The following BBOF1 variants were observed in gnomAD, a reference collection of about 807,000 sequenced individuals.
The protein encoded by BBOF1 is basal body-orientation factor 1.
BBOF1 carries 62 observed loss-of-function variants against 68.0 expected under a neutral mutation model. The ratio of observed to expected loss-of-function variants is 0.91; its 90% CI spans 0.74 to 1.13. The LOEUF (loss-of-function observed/expected upper bound fraction) is 1.13. Ranked by LOEUF, BBOF1 falls within the 50% of genes most tolerant of loss-of-function variation. The pLI is 0.00. For synonymous variants in BBOF1, 208 were observed against 198.8 expected, an observed-to-expected ratio of 1.05 and a Z score of -0.39; for missense variants, 534 against 600.1, an observed-to-expected ratio of 0.89 and a Z score of 1.15.
intron 9 of BBOF1, among the ~76,000 whole-genome samples, chr14:74,074,701 T>G (rs2060593349): frequency 6.6e-6 from 1 of 152,142 alleles, no homozygotes; most frequent in Admixed American, 6.6e-5. Flanking sequence ...AGACAGATGA[T>G]CTGTAAAAAC....
downstream of BBOF1, among the ~76,000 whole-genome samples, chr14:74,069,521 C>G (rs571618409): frequency 5.3e-5 from 8 of 152,008 alleles, no homozygotes; most frequent in South Asian, 1.7e-3. Context: ...GAGGCCGAGG[C>G]AGGTGGATCA....
At chr14:74,076,590 A>G (rs1349523913) in intron 9 of BBOF1, among the ~76,000 whole-genome samples, 5 of 151,722 alleles carry the variant, frequency 3.3e-5, no homozygotes, top group Admixed American at 1.3e-4. Flanking sequence ...AGGCTGGAGT[A>G]CAGTGGCATG....
Position 74,021,554 on chromosome 14 carries a change from A to C in BBOF1, c.57-1362A>C, listed in dbSNP as rs1594996704. ...CAGTGAGCTGTGATGGTGCTACTGC[A>C]CTACAGCCTGGATGACAGAGCAAGA... On this transcript the variant is annotated intron_variant, in intron 1 of 11. Coordinates refer to ENST00000394009, the MANE Select transcript of BBOF1 (RefSeq NM_025057.3). Among the ~76,000 whole-genome samples the C allele has an allele frequency of 2.6e-5, 4 of 151,876 alleles. No individual in the cohort carries two copies. In the South Asian group the frequency reaches 8.3e-4, roughly 32 times the overall value.
intron 8 of BBOF1, among the ~76,000 whole-genome samples, chr14:74,053,273 C>T (rs77168715): frequency 0.11 from 16,889 of 148,878 alleles, 1,232 homozygotes; most frequent in Admixed American, 0.19. Flanking sequence ...CCACCATGCC[C>T]GGCTAATTTT....
intron 9 of BBOF1, among the ~76,000 whole-genome samples, chr14:74,073,382 G>A (rs1386286820): frequency 6.6e-6 from 1 of 152,072 alleles, no homozygotes; most frequent in Admixed American, 6.6e-5. Flanking sequence ...TGGGATTACA[G>A]GCGTGAGTCA....
At chr14:74,030,718 C>CG (rs762326438) in intron 3 of BBOF1, among the ~76,000 whole-genome samples, 28 of 152,016 alleles carry the variant, frequency 1.8e-4, no homozygotes, top group South Asian at 1.2e-3. Context: ...GATGGTCTCT[C>CG]GATCTCCTGA....
intron 1 of BBOF1, among the ~76,000 whole-genome samples, chr14:74,019,861 A>G (rs568107210): frequency 4.6e-5 from 7 of 152,230 alleles, no homozygotes; most frequent in Non-Finnish European, 8.8e-5. Context: ...TGAGGTGGGT[A>G]ATGTTCTAGC....
chr14:74,047,469 C>T (rs1042012761), intron 6 of BBOF1, among the ~76,000 whole-genome samples: 8 of 151,586 alleles, frequency 5.3e-5, no homozygotes, highest in Non-Finnish European at 1.2e-4. Flanking sequence ...CTCGCTCTGT[C>T]ACCCAGGCTG....
At chr14:74,071,407 C>T (rs374613552) in intron 9 of BBOF1, 10 of 1,613,978 alleles carry the variant, frequency 6.2e-6, no homozygotes, top group Admixed American at 1.7e-5. Flanking sequence ...CAGAGGCAGA[C>T]GGTAGGAATA....
Position 74,057,479 on chromosome 14 carries a change from A to G in BBOF1, c.1578+221A>G, listed in dbSNP as rs931175617. ...TGCAAATGTGTGCCTCTTTTTGTGT[A>G]GAAACCTATAGGTTGCCTTTTGAAG... On this transcript the variant is annotated intron_variant, in intron 11 of 11. Transcript: ENST00000394009. 8.4e-6 allele frequency: 12 copies of G among 1,429,206 alleles called. 1 individual carries two copies. The Middle Eastern group carries it at 7.4e-4, about 89-fold the overall frequency. 88.5% of individuals were successfully genotyped at this position (1,429,206 alleles called of 1,614,324 possible). A position where few individuals can be genotyped will look rare whatever the true frequency, so the allele number is the denominator to read the frequency against.
chr14:74,023,068 A>C lies in BBOF1; in HGVS notation c.209A>C (p.Lys70Thr). 1.2e-6 allele frequency: 2 copies of C among 1,606,650 alleles called. No individual in the cohort carries two copies. The highest frequency in any genetic ancestry group is 1.7e-6 in the Non-Finnish European group (2 of 1,176,356). Residue 70 changes from lysine (K) to threonine (T), a missense_variant, in exon 2 of 12, where the codon AAG becomes ACG. Lys to Thr is a moderately conservative substitution (Grantham distance 78, BLOSUM62 -1). Coordinates refer to ENST00000394009, the MANE Select transcript of BBOF1 (RefSeq NM_025057.3). ...AAAAGTAATGAGGACTTAAAGAAAAAGCAATGTAAAATGGAGAAAGACATA... is the reference window on the plus strand; with the variant it reads ...AAAAGTAATGAGGACTTAAAGAAAACGCAATGTAAAATGGAGAAAGACATA... ...LAKSNEDLKK[K>T]QCKMEKDIMS...
chr14:74,029,072 T>A, intron 2 of BBOF1, 112 bp from the exon 3 acceptor site: 1 of 638,494 alleles, frequency 1.6e-6, no homozygotes, highest in Non-Finnish European at 2.8e-6. Context: ...TCCACCTCAC[T>A]CACCTCTTTT....
chr14:74,024,026 C>A (rs768405617), intron 2 of BBOF1, among the ~76,000 whole-genome samples: 3 of 151,474 alleles, frequency 2.0e-5, no homozygotes, highest in Non-Finnish European at 2.9e-5. Flanking sequence ...TCTCTTGATT[C>A]TTTTACTAAC....
chr14:74,079,330 T>C (rs944520496), intron 10 of BBOF1, among the ~76,000 whole-genome samples: 2 of 151,710 alleles, frequency 1.3e-5, no homozygotes, highest in Admixed American at 6.6e-5. Context: ...CACTGCAACC[T>C]CCACCTCCCG....
chr14:74,039,875 T>C (rs1281189055), intron 4 of BBOF1, among the ~76,000 whole-genome samples: 1 of 152,160 alleles, frequency 6.6e-6, no homozygotes. Context: ...GGGAGTCTAA[T>C]GGTAGATGAA....
intron 11 of BBOF1, chr14:74,057,629 T>C (rs749737332): frequency 7.5e-7 from 1 of 1,334,674 alleles, no homozygotes; most frequent in Non-Finnish European, 9.8e-7. Context: ...CAAAGGCTTA[T>C]AAGGAGATAT....
chr14:74,039,722 G>A (rs2059790994), intron 4 of BBOF1, among the ~76,000 whole-genome samples: 1 of 152,030 alleles, frequency 6.6e-6, no homozygotes, highest in Admixed American at 6.6e-5. Context: ...ACAGGCATGA[G>A]CCACTGTACC....
Position 74,065,408 on chromosome 14 carries a change from G to A in BBOF1, c.*709G>A. ...AAAAGAAGTCAGCTTTTTGGATTCTGAGTATTTTATGCTTATTTGGTACTT... is the reference window on the plus strand; with the variant it reads ...AAAAGAAGTCAGCTTTTTGGATTCTAAGTATTTTATGCTTATTTGGTACTT... On this transcript the variant is annotated 3_prime_UTR_variant, in exon 12 of 12. Transcript: ENST00000394009. 6.4e-7 allele frequency: 1 copy of A among 1,570,074 alleles called. No individual in the cohort carries two copies. The highest frequency in any genetic ancestry group is 8.7e-7 in the Non-Finnish European group (1 of 1,145,606).
chr14:74,061,294 CATTTATTT>C (rs201254770), intron 11 of BBOF1, among the ~76,000 whole-genome samples: 2 of 149,298 alleles, frequency 1.3e-5, no homozygotes, highest in Admixed American at 6.7e-5. Context: ...TATAGTAGGC[CATTTATTT>C]ATTTATTTAT....
Sources: allele counts gnomAD v4.1 joint callset (sites outside exome capture counted in the v4.1 genomes callset), GRCh38; gene constraint gnomAD v4.1.1; transcripts MANE v1.5; gene names NCBI Gene and HGNC (gene_info 2026-07-23, HGNC 2026-07-21).